The following PLEKHA5 variants were observed in gnomAD, a reference collection of about 807,000 sequenced individuals.
PLEKHA5 encodes the protein pleckstrin homology domain-containing family A member 5.
A neutral mutation model predicts 181.9 loss-of-function variants in PLEKHA5; 55 were observed. The ratio of observed to expected loss-of-function variants is 0.30; its 90% CI spans 0.24 to 0.38. PLEKHA5 has a LOEUF of 0.38. Among genes scored for constraint, PLEKHA5 ranks in the 10% least tolerant of loss-of-function variants. The pLI is 1.00. For missense variants in PLEKHA5, 1,432 were observed against 1,549.5 expected (o/e 0.92, Z 1.27); for synonymous variants, 535 against 529.4 (o/e 1.01, Z -0.15).
intron 31 of PLEKHA5, chr12:19,371,054 A>C (rs1342606738): frequency 7.0e-6 from 1 of 143,510 alleles, no homozygotes; most frequent in African/African-American, 2.6e-5. Flanking sequence ...CCCAGGCTGG[A>C]GTGCAGTGGT....
At chr12:19,183,935 G>A (rs1423670191) in intron 3 of PLEKHA5, among the ~76,000 whole-genome samples, 10 of 151,896 alleles carry the variant, frequency 6.6e-5, no homozygotes, top group African/African-American at 2.4e-4. Context: ...GGCTGGTCTC[G>A]AACTCCTGAC....
At chr12:19,181,088 C>T (rs1484488098) in intron 3 of PLEKHA5, among the ~76,000 whole-genome samples, 2 of 150,796 alleles carry the variant, frequency 1.3e-5, no homozygotes, top group Non-Finnish European at 1.5e-5. Context: ...TGGAAAATAT[C>T]AGATTAAAAA....
At chr12:19,246,314 T>A (rs1049137842) in intron 3 of PLEKHA5, among the ~76,000 whole-genome samples, 1 of 151,848 alleles carries the variant, frequency 6.6e-6, no homozygotes, top group Non-Finnish European at 1.5e-5. Context: ...TTACTTGAAT[T>A]TTTAAATGTT....
chr12:19,206,082 G>C (rs534584221), intron 3 of PLEKHA5, among the ~76,000 whole-genome samples: 1 of 152,136 alleles, frequency 6.6e-6, no homozygotes, highest in African/African-American at 2.4e-5. Flanking sequence ...TTTATTTACT[G>C]ATTAGCTACA....
intron 15 of PLEKHA5, among the ~76,000 whole-genome samples, chr12:19,293,720 T>G (rs1343714036): frequency 6.6e-6 from 1 of 152,118 alleles, no homozygotes; most frequent in Non-Finnish European, 1.5e-5. Context: ...GACATAGAAC[T>G]TCAGAAAATT....
intron 3 of PLEKHA5, among the ~76,000 whole-genome samples, chr12:19,157,947 A>G (rs536352861): frequency 9.8e-5 from 15 of 152,330 alleles, no homozygotes; most frequent in Middle Eastern, 3.4e-3. Flanking sequence ...TTTGTGTAAC[A>G]TATATGGTAT....
chr12:19,171,737 C>T (rs557482659), intron 3 of PLEKHA5, among the ~76,000 whole-genome samples: 3 of 152,214 alleles, frequency 2.0e-5, no homozygotes, highest in Non-Finnish European at 2.9e-5. Context: ...AACACAAACA[C>T]GTTGCACAAC....
At chr12:19,149,120 T>A (rs921746789) in intron 3 of PLEKHA5, among the ~76,000 whole-genome samples, 2 of 152,190 alleles carry the variant, frequency 1.3e-5, no homozygotes, top group Non-Finnish European at 2.9e-5. Context: ...TGGTTTCAGT[T>A]CCTCAAAAAC....
chr12:19,191,649 AC>A (rs2051143494), intron 3 of PLEKHA5, among the ~76,000 whole-genome samples: 1 of 152,218 alleles, frequency 6.6e-6, no homozygotes, highest in Non-Finnish European at 1.5e-5. Flanking sequence ...TCATTTATTA[AC>A]ATTCCCTGTT....
At chr12:19,260,512 A>C (rs2068146012) in intron 6 of PLEKHA5, among the ~76,000 whole-genome samples, 1 of 152,216 alleles carries the variant, frequency 6.6e-6, no homozygotes, top group African/African-American at 2.4e-5. Context: ...TTGGCCTTTT[A>C]GATAGGTTAT....
At chr12:19,234,443 C>T (rs1231381422) in intron 3 of PLEKHA5, among the ~76,000 whole-genome samples, 3 of 152,160 alleles carry the variant, frequency 2.0e-5, no homozygotes, top group Non-Finnish European at 4.4e-5. Context: ...TATTAAAGGG[C>T]CTGACCTTCA....
chr12:19,310,116 C>T (rs964555143), intron 15 of PLEKHA5, among the ~76,000 whole-genome samples: 1 of 152,064 alleles, frequency 6.6e-6, no homozygotes, highest in Non-Finnish European at 1.5e-5. Context: ...TTACCTGTTA[C>T]TTCAAAGAAG....
intron 3 of PLEKHA5, among the ~76,000 whole-genome samples, chr12:19,142,493 A>C (rs2037675604): frequency 6.6e-6 from 1 of 152,222 alleles, no homozygotes; most frequent in East Asian, 1.9e-4. Flanking sequence ...AAATTATATA[A>C]CATGGTAAAA....
At chr12:19,365,365 CAA>C (rs71064098) in intron 29 of PLEKHA5, among the ~76,000 whole-genome samples, 30 of 84,042 alleles carry the variant, frequency 3.6e-4, no homozygotes, top group Non-Finnish European at 4.5e-4. Flanking sequence ...GACTCCGTCT[CAA>C]AAAAAAAAAA....
At chr12:19,260,142 C>T (rs941814495) in intron 6 of PLEKHA5, among the ~76,000 whole-genome samples, 12 of 152,042 alleles carry the variant, frequency 7.9e-5, no homozygotes, top group African/African-American at 2.7e-4. Flanking sequence ...ATGAGCAAAT[C>T]CCAAACTATA....
intron 3 of PLEKHA5, chr12:19,152,464 TC>T (rs1387963989): frequency 6.6e-6 from 1 of 152,234 alleles, no homozygotes; most frequent in Non-Finnish European, 1.5e-5. Context: ...TAGTCTTTCG[TC>T]AGATTTGTTT....
intron 3 of PLEKHA5, among the ~76,000 whole-genome samples, chr12:19,208,189 C>T (rs1252330097): frequency 1.3e-5 from 2 of 152,004 alleles, no homozygotes; most frequent in Non-Finnish European, 2.9e-5. Flanking sequence ...GGGTGGATCA[C>T]CTGAGGTCAA....
chr12:19,180,665 T>C (rs1391383022), intron 3 of PLEKHA5, among the ~76,000 whole-genome samples: 2 of 152,210 alleles, frequency 1.3e-5, no homozygotes, highest in Non-Finnish European at 2.9e-5. Context: ...GTTGCAATTA[T>C]ATTTCTAAAG....
intron 3 of PLEKHA5, among the ~76,000 whole-genome samples, chr12:19,203,593 C>G (rs954692167): frequency 1.4e-4 from 21 of 152,006 alleles, no homozygotes; most frequent in Non-Finnish European, 2.9e-4. Context: ...ACCCCTCTCA[C>G]AAAGACTACT....
Sources: gnomAD v4.1 joint callset for allele counts (sites outside exome capture counted in the v4.1 genomes callset) on GRCh38, gnomAD v4.1.1 for gene constraint, MANE v1.5 for transcripts, NCBI Gene and HGNC (gene_info 2026-07-23, HGNC 2026-07-21) for gene names.